Variants in TARBP2 observed in about 807,000 individuals in gnomAD.
The protein encoded by TARBP2 is RISC-loading complex subunit TARBP2.
TARBP2 carries 23 observed loss-of-function variants against 40.4 expected under a neutral mutation model. The observed-to-expected ratio is 0.57, with a 90% confidence interval of 0.41 to 0.81. The LOEUF is 0.81. Among genes scored for constraint, TARBP2 ranks in the 30% least tolerant of loss-of-function variants. The pLI is 0.00. For synonymous variants in TARBP2, 183 were observed against 190.5 expected, an observed-to-expected ratio of 0.96 and a Z score of 0.32; for missense variants, 358 against 473.7, an observed-to-expected ratio of 0.76 and a Z score of 2.27.
rs1305925316 is a variant in TARBP2, at chr12:53,502,504, C to T, written c.223+320C>T. On this transcript the variant is annotated intron_variant, in intron 2 of 8. Transcript: ENST00000266987. ...GTGCCTGGCGTGCTGGGCTCTGTTC[C>T]CGGTGCTTAACCAAATTCCCGTTTA... 4 of 338,864 alleles carry T rather than the reference C, an allele frequency of 1.2e-5. No homozygotes were observed. The Admixed American group carries it at 1.3e-4, about 11-fold the overall frequency. The allele number at this position is 338,864 out of a possible 1,614,324, so 21.0% of individuals were successfully genotyped here.
At chr12:53,504,583 C>T (rs773263949) in intron 5 of TARBP2, 114 bp downstream of exon 5, 3 of 1,605,760 alleles carry the variant, frequency 1.9e-6, no homozygotes, top group East Asian at 2.2e-5. Flanking sequence ...AGGCCCTTTC[C>T]ACCCCCCTCT....
Position 53,502,130 on chromosome 12 carries a change from G to C in TARBP2, c.169G>C (p.Ala57Pro). 6.2e-7 allele frequency: 1 copy of C among 1,614,206 alleles called. No individual in the cohort carries two copies. The highest frequency in any genetic ancestry group is 8.5e-7 in the Non-Finnish European group (1 of 1,180,034). Residue 57 changes from alanine to proline, a missense_variant, in exon 2 of 9, where the codon GCC becomes CCC. Around this residue, in one of 3 missense-constraint regions of TARBP2, gnomAD observed 317 missense variants for 422.9 expected, o/e 0.75. Coordinates refer to ENST00000266987, the MANE Select transcript of TARBP2 (RefSeq NM_134323.2). ...CGACCTTCTCAAAGCCGAGGGCCAA[G>C]CCCACCAGCCTAATTTCACCTTCCG... is the stretch of plus-strand genomic sequence containing the variant. The part of the protein sequence containing the change: ...VYDLLKAEGQ[A>P]HQPNFTFRVT...
rs928979447 is a variant in TARBP2, at chr12:53,505,529, G to T, written c.742-120G>T. 2.6e-6 allele frequency: 3 copies of T among 1,175,574 alleles called. No homozygotes were observed. The highest frequency in any genetic ancestry group is 1.5e-5 in the African/African-American group (1 of 66,096). 72.8% of individuals were successfully genotyped at this position (1,175,574 alleles called of 1,614,324 possible). On this transcript the variant is annotated intron_variant, in intron 7 of 8. Coordinates refer to ENST00000266987, the MANE Select transcript of TARBP2 (RefSeq NM_134323.2). The surrounding 1 kb of genome is among the most constrained non-coding windows in gnomAD (Gnocchi z 4.5). ...AGAAGGGGCCACCCAGGGATTGACT[G>T]GGGGGAGGCAAGCTGGAGGAAGCAT...
chr12:53,503,939 C>T, intron 4 of TARBP2, 131 bp downstream of exon 4: 1 of 714,998 alleles, frequency 1.4e-6, no homozygotes, highest in Non-Finnish European at 2.5e-6. Flanking sequence ...AGTTGGGAAC[C>T]AGAACTTGAA....
chr12:53,502,403 C>G, intron 2 of TARBP2: 1 of 588,308 alleles, frequency 1.7e-6, no homozygotes, highest in South Asian at 2.0e-5. Context: ...CCACAGTGAT[C>G]TGGCAGATCC....
intron 2 of TARBP2, chr12:53,502,635 T>G: frequency 4.7e-6 from 1 of 213,896 alleles, no homozygotes. Flanking sequence ...GTGTTTGAGA[T>G]AGTAAATGGC....
At chr12:53,502,553 T>C (rs889845183) in intron 2 of TARBP2, 13 of 274,226 alleles carry the variant, frequency 4.7e-5, no homozygotes, top group Non-Finnish European at 6.3e-5. Flanking sequence ...GTCTAACCAA[T>C]GATTGTAGGT....
Position 53,502,008 on chromosome 12 carries a change from C to A in TARBP2, c.54-7C>A. 1.9e-6 allele frequency: 3 copies of A among 1,613,932 alleles called. No homozygotes were observed. Among genetic ancestry groups the A allele is most frequent in the Non-Finnish European group, 2.5e-6 (3 of 1,179,908 alleles). On this transcript the variant is annotated splice_region_variant and splice_polypyrimidine_tract_variant and intron_variant, in intron 1 of 8. Coordinates refer to ENST00000266987, the MANE Select transcript of TARBP2 (RefSeq NM_134323.2). ...GGTGTGATGTGGGTCTGTGCCCCTT[C>A]CCCCAGTATAGAGCAAATGCTGGCC...
chr12:53,503,561 G>A (rs1405675683), intron 3 of TARBP2, 152 bp from the exon 4 acceptor site: 8 of 632,004 alleles, frequency 1.3e-5, no homozygotes, highest in Middle Eastern at 4.4e-4. Flanking sequence ...CAAAGGATCC[G>A]AGGAGGAAGC....
chr12:53,502,668 T>C (rs1943772960), intron 2 of TARBP2: 2 of 209,428 alleles, frequency 9.5e-6, no homozygotes, highest in South Asian at 1.6e-4. Context: ...ACATGCCTAG[T>C]ATGTGGCAGA....
chr12:53,503,221 T>C, intron 3 of TARBP2, 92 bp downstream of exon 3: 1 of 1,445,310 alleles, frequency 6.9e-7, no homozygotes, highest in South Asian at 1.5e-5. Flanking sequence ...AGGTGACACT[T>C]AGCCACCCTG....
chr12:53,503,350 A>T, intron 3 of TARBP2: 1 of 1,080,324 alleles, frequency 9.3e-7, no homozygotes, highest in Non-Finnish European at 1.3e-6. Flanking sequence ...TTGTGGCAGT[A>T]GGTTGGGGCC....
intron 3 of TARBP2, 71 bp downstream of exon 3, chr12:53,503,200 G>A (rs2280448): frequency 0.14 from 207,364 of 1,467,580 alleles, 15,672 homozygotes; most frequent in Non-Finnish European, 0.16. Flanking sequence ...ACTCTGCCCC[G>A]AGGCCTGGCC....
intron 4 of TARBP2, 101 bp from the exon 5 acceptor site, chr12:53,504,296 A>G (rs987954349): frequency 2.7e-6 from 3 of 1,103,068 alleles, no homozygotes; most frequent in East Asian, 5.1e-5. Context: ...GAATCGGGAG[A>G]TGGTAGTCAG....
chr12:53,503,071 G>A lies in TARBP2; in HGVS notation c.268G>A (p.Val90Met). Residue 90 changes from valine to methionine, a missense_variant, in exon 3 of 9, where the codon GTG (valine) becomes ATG (methionine). By Grantham distance (21) the Val-to-Met change is conservative (BLOSUM62 1). Coordinates refer to ENST00000266987, the MANE Select transcript of TARBP2 (RefSeq NM_134323.2). ...GGCAGCCAAGCACAAGGCAGCTGAG[G>A]TGGCCCTCAAACACCTCAAAGGGGG... Reference protein sequence around the residue: ...KKAAKHKAAEVALKHLKGGSM... With the variant: ...KKAAKHKAAEMALKHLKGGSM... The A allele has an allele frequency of 6.4e-7, 1 of 1,551,214 alleles. No individual in the cohort carries two copies. The highest frequency in any genetic ancestry group is 8.7e-7 in the Non-Finnish European group (1 of 1,146,742).
intron 5 of TARBP2, 84 bp from the exon 6 acceptor site, chr12:53,504,614 T>G: frequency 1.2e-6 from 2 of 1,612,790 alleles, no homozygotes; most frequent in Non-Finnish European, 1.7e-6. Flanking sequence ...TCACCTAGAG[T>G]CTGAGGCTCC....
chr12:53,503,043 G>A lies in TARBP2; in HGVS notation c.240G>A (p.Lys80=). 6.4e-7 allele frequency: 1 copy of A among 1,550,730 alleles called. No individual in the cohort carries two copies. Among genetic ancestry groups the A allele is most frequent in the Non-Finnish European group, 8.7e-7 (1 of 1,146,492 alleles). Residue 80 remains lysine (K), a synonymous_variant, in exon 3 of 9, where the codon AAG becomes AAA. Transcript: ENST00000266987. ...CTCTCTCAGGTCAGGGCCCCAGCAA[G>A]AAGGCAGCCAAGCACAAGGCAGCTG... ...DTSCTGQGPS[K]KAAKHKAAEV...
upstream of TARBP2, chr12:53,501,028 G>A: frequency 8.0e-6 from 2 of 250,594 alleles, no homozygotes; most frequent in South Asian, 5.0e-5. Flanking sequence ...TCCCTACCCA[G>A]CGGCTTCCCC....
chr12:53,502,997 C>T (rs756029047), intron 2 of TARBP2, 30 bp from the exon 3 acceptor site: 5 of 1,538,522 alleles, frequency 3.2e-6, no homozygotes, highest in South Asian at 1.2e-5. Context: ...TTTCAGTGAC[C>T]TCCAGTATTG....
Sources: gnomAD v4.1 joint callset for allele counts on GRCh38, gnomAD v4.1.1 for gene constraint, gnomAD v4.1.1 regional missense constraint, Gnocchi (gnomAD v3.1) non-coding constraint, MANE v1.5 for transcripts, NCBI Gene and HGNC (gene_info 2026-07-23, HGNC 2026-07-21) for gene names.